GRK4: variants seen among roughly 807,000 people sequenced by gnomAD.
The protein encoded by GRK4 is G protein-coupled receptor kinase 2-like.
In GRK4, 73 loss-of-function variants were observed where a neutral mutation model predicts 77.9. The ratio of observed to expected loss-of-function variants is 0.94; its 90% confidence interval spans 0.78 to 1.14. GRK4 has a LOEUF of 1.14. Ranked by LOEUF, GRK4 falls within the 50% of genes most tolerant of loss-of-function variation. The probability of loss-of-function intolerance (pLI) is 0.00; values close to 1 mark genes in which losing one functional copy is unlikely to be tolerated. For missense variants in GRK4, 729 were observed against 700.2 expected (o/e 1.04, Z -0.46); for synonymous variants, 257 against 254.4 (o/e 1.01, Z -0.10).
intron 9 of GRK4, 76 bp downstream of exon 9, chr4:3,019,907 C>A: frequency 7.3e-7 from 1 of 1,372,336 alleles, no homozygotes; most frequent in Non-Finnish European, 1.0e-6. Context: ...CCCTGGTTCA[C>A]ACTGGCTGCT....
chr4:3,021,798 A>T (rs1463046647), intron 9 of GRK4, among the ~76,000 whole-genome samples: 1 of 152,146 alleles, frequency 6.6e-6, no homozygotes, highest in Non-Finnish European at 1.5e-5. Flanking sequence ...CAGTCTCAAG[A>T]TGAGCTGGAT....
At chr4:3,024,679 G>T (rs1197965074) in intron 10 of GRK4, among the ~76,000 whole-genome samples, 1 of 152,038 alleles carries the variant, frequency 6.6e-6, no homozygotes, top group Non-Finnish European at 1.5e-5. Flanking sequence ...GGCCAACATG[G>T]TGAAACCCTG....
intron 3 of GRK4, among the ~76,000 whole-genome samples, chr4:2,991,533 C>G (rs1183227211): frequency 2.0e-5 from 3 of 152,144 alleles, no homozygotes; most frequent in African/African-American, 7.2e-5. Context: ...GTTTTTGAGG[C>G]TGAGTCTTGC....
chr4:3,022,103 A>T (rs1235795496), intron 9 of GRK4, among the ~76,000 whole-genome samples: 1 of 152,238 alleles, frequency 6.6e-6, no homozygotes, highest in African/African-American at 2.4e-5. Context: ...GTTAATGGTA[A>T]GAGAAATTGT....
chr4:2,970,544 G>A (rs960342263), intron 1 of GRK4, among the ~76,000 whole-genome samples: 1 of 151,674 alleles, frequency 6.6e-6, no homozygotes, highest in African/African-American at 2.4e-5. Context: ...TGTAGTCCGA[G>A]CTACTCGGGA....
At chr4:2,992,927 T>G (rs1050829716) in intron 4 of GRK4, among the ~76,000 whole-genome samples, 10 of 152,182 alleles carry the variant, frequency 6.6e-5, no homozygotes, top group African/African-American at 2.4e-4. Context: ...AAGGCTGCAG[T>G]GAGCTGGGAT....
At chr4:3,036,434 T>C (rs1740660356) in intron 13 of GRK4, among the ~76,000 whole-genome samples, 1 of 152,258 alleles carries the variant, frequency 6.6e-6, no homozygotes, top group Non-Finnish European at 1.5e-5. Context: ...GACCGTGGCC[T>C]TTGGAGCCAC....
At chr4:3,029,501 C>G in intron 12 of GRK4, 92 bp downstream of exon 12, 4 of 1,062,972 alleles carry the variant, frequency 3.8e-6, no homozygotes, top group East Asian at 2.5e-5. Flanking sequence ...ATTGGTCTGT[C>G]ATCTTCAGCA....
chr4:3,034,636 T>C (rs908670775), intron 12 of GRK4, among the ~76,000 whole-genome samples: 1 of 152,194 alleles, frequency 6.6e-6, no homozygotes, highest in Admixed American at 6.5e-5. Context: ...ATGTGAGGAA[T>C]ACTTTCTAAA....
intron 1 of GRK4, among the ~76,000 whole-genome samples, chr4:2,974,081 C>G (rs943884496): frequency 5.3e-5 from 8 of 152,314 alleles, no homozygotes; most frequent in South Asian, 2.1e-4. Context: ...GACTCCCGGG[C>G]TCAAGCGAGC....
intron 3 of GRK4, among the ~76,000 whole-genome samples, chr4:2,990,095 C>A (rs1725664262): frequency 6.6e-6 from 1 of 151,982 alleles, no homozygotes; most frequent in South Asian, 2.1e-4. Flanking sequence ...CTTTTTAAAA[C>A]TTTAAAATGT....
chr4:2,986,844 A>T (rs1724537171), intron 2 of GRK4: 1 of 349,088 alleles, frequency 2.9e-6, no homozygotes, highest in South Asian at 2.1e-5. Context: ...ATGATGAAGT[A>T]TTATATTTAT....
chr4:3,019,854 G>A (rs201996842), intron 9 of GRK4, 23 bp downstream of exon 9: 11 of 1,585,910 alleles, frequency 6.9e-6, no homozygotes, highest in Non-Finnish European at 8.6e-6. Flanking sequence ...CTACCTAATG[G>A]AGCCTGCAAG....
chr4:3,020,668 A>G (rs1735807946), intron 9 of GRK4, among the ~76,000 whole-genome samples: 1 of 151,944 alleles, frequency 6.6e-6, no homozygotes, highest in Admixed American at 6.6e-5. Flanking sequence ...GGGTAATTTC[A>G]TTTCCTCCCT....
At chr4:3,033,900 A>G (rs138893947) in intron 12 of GRK4, among the ~76,000 whole-genome samples, 149 of 152,286 alleles carry the variant, frequency 9.8e-4, no homozygotes, top group African/African-American at 2.7e-3. Flanking sequence ...ATCCGTTTTA[A>G]ATTAACAAAG....
chr4:2,990,812 T>A (rs1725933054), intron 3 of GRK4, among the ~76,000 whole-genome samples: 5 of 152,228 alleles, frequency 3.3e-5, no homozygotes, highest in Admixed American at 3.3e-4. Context: ...TGACTGCAGT[T>A]ACAGGTTATG....
intron 4 of GRK4, 136 bp downstream of exon 4, chr4:2,992,428 C>G: frequency 1.8e-6 from 1 of 565,312 alleles, no homozygotes; most frequent in Admixed American, 2.7e-5. Flanking sequence ...GCCTGTAATC[C>G]CAGCACTTCG....
At chr4:2,978,736 G>A (rs570519334) in intron 1 of GRK4, among the ~76,000 whole-genome samples, 17 of 152,286 alleles carry the variant, frequency 1.1e-4, no homozygotes, top group African/African-American at 3.4e-4. Flanking sequence ...ATTGGGCCCA[G>A]GGGTCTGAGA....
intron 5 of GRK4, among the ~76,000 whole-genome samples, chr4:3,004,961 C>T (rs6837197): frequency 0.01 from 1,559 of 152,188 alleles, 26 homozygotes; most frequent in African/African-American, 0.036. Flanking sequence ...ACACGAGGCA[C>T]ACTGAAGGGG....
Sources: allele counts gnomAD v4.1 joint callset (sites outside exome capture counted in the v4.1 genomes callset), GRCh38; gene constraint gnomAD v4.1.1; transcripts MANE v1.5; gene names NCBI Gene and HGNC (gene_info 2026-07-23, HGNC 2026-07-21).